The following GRIK3 variants were observed in gnomAD, a reference collection of about 807,000 sequenced individuals.
The protein encoded by GRIK3 is glutamate ionotropic receptor kainate type subunit 3, also known as glutamate receptor ionotropic, kainate 3.
Under a neutral mutation model 102.5 loss-of-function variants are expected in GRIK3, and 29 were observed. The ratio of observed to expected loss-of-function variants is 0.28; its 90% confidence interval spans 0.21 to 0.39. The LOEUF (loss-of-function observed/expected upper bound fraction) is 0.39. Ranked by LOEUF, GRIK3 falls within the 10% of genes least tolerant of loss-of-function variation. The pLI is 1.00. For synonymous variants in GRIK3, 511 were observed against 504.9 expected (o/e 1.01, Z -0.16); for missense variants, 908 against 1,252.4 (o/e 0.73, Z 4.15).
chr1:36,953,685 A>C (rs1641871463), intron 1 of GRIK3, among the ~76,000 whole-genome samples: 2 of 151,988 alleles, frequency 1.3e-5, no homozygotes, highest in Admixed American at 1.3e-4. Context: ...GGGACCCCAC[A>C]GGTTTCCAGC....
rs560137861 is a variant in GRIK3, at chr1:36,825,532, G to A, written c.1754+71C>T. 8.1e-6 allele frequency: 8 copies of A among 983,850 alleles called. No individual in the cohort carries two copies. In the South Asian group the frequency reaches 1.4e-4, roughly 17 times the overall value. The allele number at this position is 983,850 out of a possible 1,614,324, so 60.9% of individuals were successfully genotyped here. A position where few individuals can be genotyped will look rare whatever the true frequency, so the allele number is the denominator to read the frequency against. ...TTGGGCTTTCTGTGCCAGGGGCTGA[G>A]GAGATGAGGACCTGCCTAACCCCTA... On this transcript the variant is annotated intron_variant, in intron 11 of 15. Transcript: ENST00000373091.
Position 36,825,839 on chromosome 1 carries a change from A to G in GRIK3, c.1531-13T>C. On this transcript the variant is annotated splice_polypyrimidine_tract_variant and intron_variant, in intron 10 of 15. Transcript: ENST00000373091. ...CCAGATCTGCCTTCTGCAACCAGACAGAGAGAGAAAGACAGACTATGAGCA... is the reference window on the plus strand; with the variant it reads ...CCAGATCTGCCTTCTGCAACCAGACGGAGAGAGAAAGACAGACTATGAGCA... 1.3e-6 allele frequency: 2 copies of G among 1,574,278 alleles called. No individual in the cohort carries two copies. The highest frequency in any genetic ancestry group is 1.7e-6 in the Non-Finnish European group (2 of 1,151,208).
At chr1:36,869,656 G>T in intron 5 of GRIK3, 92 bp downstream of exon 5, 1 of 974,342 alleles carries the variant, frequency 1.0e-6, no homozygotes. Flanking sequence ...TGCAGCAATT[G>T]TCTTCAGTGG....
At chr1:36,953,042 G>C (rs1319290137) in intron 1 of GRIK3, among the ~76,000 whole-genome samples, 1 of 152,230 alleles carries the variant, frequency 6.6e-6, no homozygotes, top group Non-Finnish European at 1.5e-5. Context: ...TGGGTGAGGA[G>C]GAGCGGGAGG....
chr1:37,018,966 A>T (rs1159899491), intron 1 of GRIK3, among the ~76,000 whole-genome samples: 2 of 152,178 alleles, frequency 1.3e-5, no homozygotes, highest in Non-Finnish European at 2.9e-5. Context: ...CCCCGAAGCG[A>T]CTGACTTCCA....
In GRIK3 at chr1:36,796,586, G is replaced by C. The variant is rs1256923570; in HGVS notation, c.*5265C>G. 1.3e-5 allele frequency: 2 copies of C among 152,260 alleles called. No homozygotes were observed. The highest frequency in any genetic ancestry group is 4.8e-5 in the African/African-American group (2 of 41,438). The allele number at this position is 152,260 out of a possible 1,614,324, so 9.4% of individuals were successfully genotyped here. ...AGGTGATGTGAGGTCCACTGTTCTAGAAGGCAGGAGGACAGGATCAGTAAC... is the reference window on the plus strand; with the variant it reads ...AGGTGATGTGAGGTCCACTGTTCTACAAGGCAGGAGGACAGGATCAGTAAC... On this transcript the variant is annotated 3_prime_UTR_variant, in exon 16 of 16. Coordinates refer to ENST00000373091, the MANE Select transcript of GRIK3 (RefSeq NM_000831.4).
At chr1:36,853,252 A>G (rs1640605935) in intron 8 of GRIK3, among the ~76,000 whole-genome samples, 1 of 152,224 alleles carries the variant, frequency 6.6e-6, no homozygotes, top group South Asian at 2.1e-4. Flanking sequence ...TTTTTACCCA[A>G]GAACATGTCT....
intron 1 of GRIK3, among the ~76,000 whole-genome samples, chr1:37,006,443 T>C (rs943571108): frequency 6.6e-6 from 1 of 152,258 alleles, no homozygotes; most frequent in African/African-American, 2.4e-5. Context: ...GACTGCACTT[T>C]GTTTCAAAAT....
At chr1:36,966,223 C>T (rs1461027915) in intron 1 of GRIK3, among the ~76,000 whole-genome samples, 2 of 152,200 alleles carry the variant, frequency 1.3e-5, no homozygotes, top group Non-Finnish European at 2.9e-5. Flanking sequence ...CTCCACAGGC[C>T]CAGTTCTGCA....
intron 1 of GRIK3, among the ~76,000 whole-genome samples, chr1:36,902,912 C>A (rs1267467789): frequency 6.6e-6 from 1 of 152,008 alleles, no homozygotes; most frequent in Admixed American, 6.6e-5. Flanking sequence ...GTCTCAGCCT[C>A]CTGAGTAGCT....
chr1:36,838,249 A>G (rs1297897511), intron 10 of GRIK3, among the ~76,000 whole-genome samples: 1 of 152,132 alleles, frequency 6.6e-6, no homozygotes, highest in Non-Finnish European at 1.5e-5. Context: ...GAGGCCGGAG[A>G]AATGGAATAA....
intron 7 of GRIK3, among the ~76,000 whole-genome samples, chr1:36,855,878 T>C (rs1640645479): frequency 6.6e-6 from 1 of 152,240 alleles, no homozygotes; most frequent in East Asian, 1.9e-4. Context: ...CAGGTGGGCA[T>C]CAGCATTGCC....
intron 1 of GRIK3, among the ~76,000 whole-genome samples, chr1:36,938,512 A>C (rs193289269): frequency 1.4e-3 from 220 of 152,280 alleles, no homozygotes; most frequent in South Asian, 2.5e-3. Flanking sequence ...CATTGGAGAA[A>C]TGTGTTTTCA....
chr1:36,843,368 T>A (rs189344640), intron 9 of GRIK3, among the ~76,000 whole-genome samples: 1 of 152,180 alleles, frequency 6.6e-6, no homozygotes, highest in Admixed American at 6.5e-5. Flanking sequence ...CAGGCACTGA[T>A]TTAAACTCTT....
chr1:36,990,825 T>A (rs1385661273), intron 1 of GRIK3, among the ~76,000 whole-genome samples: 1 of 151,980 alleles, frequency 6.6e-6, no homozygotes, highest in Non-Finnish European at 1.5e-5. Context: ...GGGTGGCCCC[T>A]GGAGATAGGA....
chr1:36,967,842 A>C (rs1397909128), intron 1 of GRIK3, among the ~76,000 whole-genome samples: 1 of 152,240 alleles, frequency 6.6e-6, no homozygotes, highest in African/African-American at 2.4e-5. Flanking sequence ...CTGTTATGAT[A>C]ATTGAGATAA....
At chr1:36,977,644 G>GCAA (rs1255897407) in intron 1 of GRIK3, among the ~76,000 whole-genome samples, 1 of 152,204 alleles carries the variant, frequency 6.6e-6, no homozygotes, top group East Asian at 1.9e-4. Context: ...AGGACCCAAG[G>GCAA]CAACAGTTTT....
chr1:37,006,565 G>C (rs1275059499), intron 1 of GRIK3, among the ~76,000 whole-genome samples: 1 of 152,232 alleles, frequency 6.6e-6, no homozygotes, highest in Non-Finnish European at 1.5e-5. Context: ...GCAGCTAATG[G>C]GAGGTTTGAG....
chr1:36,965,217 C>A (rs183085924), intron 1 of GRIK3, among the ~76,000 whole-genome samples: 46 of 152,278 alleles, frequency 3.0e-4, no homozygotes, highest in African/African-American at 1.1e-3. Flanking sequence ...AAAGTCCTCG[C>A]GGGCTGAACT....
Sources: gnomAD v4.1 joint callset for allele counts (sites outside exome capture counted in the v4.1 genomes callset) on GRCh38, gnomAD v4.1.1 for gene constraint, MANE v1.5 for transcripts, NCBI Gene and HGNC (gene_info 2026-07-23, HGNC 2026-07-21) for gene names.